The following PLAG1 variants were observed in gnomAD, a reference collection of about 807,000 sequenced individuals.
The protein encoded by PLAG1 is PLAG1 zinc finger, also known as zinc finger protein PLAG1.
PLAG1 carries 7 observed loss-of-function variants against 35.5 expected under a neutral mutation model. The ratio of observed to expected loss-of-function variants is 0.20; its 90% CI spans 0.11 to 0.37. The LOEUF is 0.37. PLAG1 is among the 10% of genes least tolerant of loss of function. The probability of loss-of-function intolerance (pLI) is 1.00; values close to 1 mark genes in which losing one functional copy is unlikely to be tolerated. For missense variants in PLAG1, 454 were observed against 602.8 expected, an observed-to-expected ratio of 0.75 and a Z score of 2.58; for synonymous variants, 229 against 225.4, an observed-to-expected ratio of 1.02 and a Z score of -0.14.
intron 1 of PLAG1, among the ~76,000 whole-genome samples, chr8:56,198,457 G>C (rs939028556): frequency 1.3e-5 from 2 of 152,224 alleles, no homozygotes; most frequent in African/African-American, 4.8e-5. Context: ...GCACAGATGA[G>C]GATGAGGCTG....
At chr8:56,196,951 CGTGTGTGT>C (rs10534078) in intron 1 of PLAG1, among the ~76,000 whole-genome samples, 19,305 of 142,996 alleles carry the variant, frequency 0.14, 1,604 homozygotes, top group Admixed American at 0.21. Flanking sequence ...CCCTAGTGTG[CGTGTGTGT>C]GTGTGTGTGT....
At chr8:56,189,996 C>G (rs1180566602) in intron 1 of PLAG1, among the ~76,000 whole-genome samples, 1 of 152,150 alleles carries the variant, frequency 6.6e-6, no homozygotes, top group Non-Finnish European at 1.5e-5. Context: ...GGCTGCAGGA[C>G]AGGTCACTCA....
At chr8:56,180,310 C>T (rs1287891074) in intron 1 of PLAG1, among the ~76,000 whole-genome samples, 1 of 152,198 alleles carries the variant, frequency 6.6e-6, no homozygotes, top group Non-Finnish European at 1.5e-5. Flanking sequence ...AGACGAATAT[C>T]TGACACTGAT....
chr8:56,177,977 C>G (rs992000608), intron 2 of PLAG1: 1 of 954,266 alleles, frequency 1.0e-6, no homozygotes, highest in East Asian at 1.2e-4. Context: ...CAGAGCCCGC[C>G]AAGCACGGAT....
chr8:56,203,945 A>C (rs928259549), intron 1 of PLAG1, among the ~76,000 whole-genome samples: 1 of 151,988 alleles, frequency 6.6e-6, no homozygotes, highest in African/African-American at 2.4e-5. Flanking sequence ...AAGGAAAACA[A>C]ATTCATGTTT....
intron 1 of PLAG1, among the ~76,000 whole-genome samples, chr8:56,182,804 C>T (rs540910408): frequency 3.1e-4 from 47 of 152,082 alleles, no homozygotes; most frequent in African/African-American, 1.0e-3. Context: ...GACAAAGAGG[C>T]GGGGAAGAAA....
chr8:56,207,886 G>A (rs1393263201), intron 1 of PLAG1, among the ~76,000 whole-genome samples: 1 of 152,028 alleles, frequency 6.6e-6, no homozygotes, highest in Non-Finnish European at 1.5e-5. Flanking sequence ...CTCTGAGTGC[G>A]TTTTCTGAAC....
intron 1 of PLAG1, among the ~76,000 whole-genome samples, chr8:56,193,791 G>A (rs776070478): frequency 1.4e-5 from 2 of 147,142 alleles, no homozygotes; most frequent in East Asian, 2.1e-4. Flanking sequence ...TCCGCCTCCC[G>A]GGTTCACGCC....
At chr8:56,176,149 A>T (rs759011017) in intron 2 of PLAG1, among the ~76,000 whole-genome samples, 1 of 150,644 alleles carries the variant, frequency 6.6e-6, no homozygotes, top group Non-Finnish European at 1.5e-5. Flanking sequence ...TCCCAGGTGT[A>T]AGCGATTCTC....
At chr8:56,187,482 C>T (rs950841540) in intron 1 of PLAG1, among the ~76,000 whole-genome samples, 1 of 152,174 alleles carries the variant, frequency 6.6e-6, no homozygotes, top group Non-Finnish European at 1.5e-5. Context: ...CTCTCTTCAG[C>T]ATTTTCCTCT....
chr8:56,181,696 T>C (rs1811868497), intron 1 of PLAG1, among the ~76,000 whole-genome samples: 1 of 152,192 alleles, frequency 6.6e-6, no homozygotes, highest in African/African-American at 2.4e-5. Context: ...GTTCTGCACA[T>C]GTATCCCAGA....
chr8:56,193,697 T>G (rs1460753985), intron 1 of PLAG1, among the ~76,000 whole-genome samples: 1 of 142,062 alleles, frequency 7.0e-6, no homozygotes, highest in Non-Finnish European at 1.5e-5. Flanking sequence ...TAGGTAAACT[T>G]TTTTTTTTTT....
chr8:56,206,172 A>T (rs933524164), intron 1 of PLAG1, among the ~76,000 whole-genome samples: 4 of 152,014 alleles, frequency 2.6e-5, no homozygotes, highest in African/African-American at 9.7e-5. Context: ...ACACCACCAT[A>T]TCCTTGTCAG....
intron 1 of PLAG1, among the ~76,000 whole-genome samples, chr8:56,189,864 C>T (rs1404972427): frequency 6.6e-6 from 1 of 152,142 alleles, no homozygotes; most frequent in African/African-American, 2.4e-5. Flanking sequence ...CTTATTCCTC[C>T]TGTGACTGGA....
chr8:56,182,301 T>C (rs921843080), intron 1 of PLAG1, among the ~76,000 whole-genome samples: 27 of 152,208 alleles, frequency 1.8e-4, no homozygotes, highest in African/African-American at 5.5e-4. Flanking sequence ...CCTAATAGTA[T>C]TAACAAAAAG....
At chr8:56,168,692 A>T (rs1393946819) in intron 3 of PLAG1, among the ~76,000 whole-genome samples, 1 of 152,218 alleles carries the variant, frequency 6.6e-6, no homozygotes, top group Non-Finnish European at 1.5e-5. Context: ...ATGACTCTAA[A>T]AAGTGGCATT....
rs1811306131 is a variant in PLAG1, at chr8:56,164,770, A to G, written c.*1473T>C. The G allele has an allele frequency of 1.4e-5, 3 of 213,550 alleles. No individual in the cohort carries two copies. In the East Asian group the frequency reaches 2.1e-4, roughly 15 times the overall value. The allele number at this position is 213,550 out of a possible 1,614,324, so 13.2% of individuals were successfully genotyped here. ...CTAATGTGAGGAAAAGCCTATAATT[A>G]TTCAGTGAATATAATATATTCTCAA... On this transcript the variant is annotated 3_prime_UTR_variant, in exon 5 of 5. Transcript: ENST00000316981.
At chr8:56,175,117 G>T (rs1811647304) in intron 2 of PLAG1, among the ~76,000 whole-genome samples, 1 of 151,872 alleles carries the variant, frequency 6.6e-6, no homozygotes, top group African/African-American at 2.4e-5. Flanking sequence ...TATTTTTTTT[G>T]AAACTAAGCA....
intron 2 of PLAG1, among the ~76,000 whole-genome samples, chr8:56,177,536 C>G (rs1433846943): frequency 6.6e-6 from 1 of 152,142 alleles, no homozygotes; most frequent in African/African-American, 2.4e-5. Flanking sequence ...ACCTTTCACC[C>G]TTAATATGGA....
Sources: allele counts gnomAD v4.1 joint callset (sites outside exome capture counted in the v4.1 genomes callset), GRCh38; gene constraint gnomAD v4.1.1; transcripts MANE v1.5; gene names NCBI Gene and HGNC (gene_info 2026-07-23, HGNC 2026-07-21).